The following DQX1 variants were observed in gnomAD, a reference collection of about 807,000 sequenced individuals.
DQX1 encodes ATP-dependent RNA helicase homolog DQX1.
A neutral mutation model predicts 81.3 loss-of-function variants in DQX1; 66 were observed. That is an observed-to-expected ratio of 0.81 (90% confidence interval 0.67 to 1.00). The LOEUF (loss-of-function observed/expected upper bound fraction) is 1.00, where lower values mean the gene tolerates loss of function less well. DQX1 is among the 50% of genes least tolerant of loss of function. The probability of loss-of-function intolerance (pLI) is 0.00; values close to 1 mark genes in which losing one functional copy is unlikely to be tolerated. For synonymous variants in DQX1, 290 were observed against 350.0 expected (o/e 0.83, Z 1.91); for missense variants, 798 against 867.9 (o/e 0.92, Z 1.01).
At chr2:74,524,924 G>T in intron 3 of DQX1, 85 bp downstream of exon 3, 1 of 1,449,580 alleles carries the variant, frequency 6.9e-7, no homozygotes, top group Non-Finnish European at 9.4e-7. Context: ...GGCTAAGGGA[G>T]GGTATGGTGA....
At chr2:74,524,351 A>G in intron 3 of DQX1, 44 bp from the exon 4 acceptor site, 1 of 1,563,624 alleles carries the variant, frequency 6.4e-7, no homozygotes, top group Non-Finnish European at 8.7e-7. Context: ...GTGGACACTG[A>G]CCAGCCCCAC....
chr2:74,518,663 T>A, intron 11 of DQX1, 61 bp from the exon 12 acceptor site: 3 of 1,532,576 alleles, frequency 2.0e-6, no homozygotes, highest in Non-Finnish European at 2.7e-6. Context: ...TCTCTCTTTT[T>A]AGAGACAGGG....
rs1209761542 is a variant in DQX1, at chr2:74,518,486, G to T, written c.2114C>A (p.Ser705Tyr). The change falls in exon 12 of 12, where the codon TCC becomes TAC. Residue 705 changes from serine to tyrosine, a missense_variant. By Grantham distance (144) the Ser-to-Tyr change is moderately radical (BLOSUM62 -2). Coordinates refer to ENST00000404568, the MANE Select transcript of DQX1 (RefSeq NM_133637.3). ...GGGATCTCTGAACTCCTGGGCTGAG[G>T]ATGATTTGCTCCCTGCTGTAGAATC... The part of the protein sequence containing the change: ...MADSTAGSKS[S>Y]SAQEFRDPCV... The T allele has an allele frequency of 1.2e-6, 2 of 1,614,120 alleles. No individual in the cohort carries two copies. The highest frequency in any genetic ancestry group is 1.7e-6 in the Non-Finnish European group (2 of 1,180,050).
chr2:74,519,014 T>C, intron 11 of DQX1, 26 bp downstream of exon 11: 1 of 1,549,378 alleles, frequency 6.5e-7, no homozygotes, highest in Non-Finnish European at 8.7e-7. Context: ...GAATAGGCAG[T>C]ATAGGAGGGA....
Position 74,519,064 on chromosome 2 carries a change from A to G in DQX1, c.1973T>C (p.Ile658Thr), listed in dbSNP as rs749718932. 3.8e-6 allele frequency: 6 copies of G among 1,593,698 alleles called. No homozygotes were observed. In the East Asian group the frequency reaches 1.3e-4, roughly 36 times the overall value. Residue 658 changes from isoleucine to threonine, a missense_variant, in exon 11 of 12, where the codon ATT (isoleucine) becomes ACT (threonine). By Grantham distance (89) the Ile-to-Thr change is moderately conservative. Transcript: ENST00000404568. ...CATCTGTGGTTGAATCTCAGAAACA[A>G]TGGAAAGGCAGTTGTCTTTGGATAT... Reference protein sequence around the residue: ...FTISKDNCLSIVSEIQPQMLV... With the variant: ...FTISKDNCLSTVSEIQPQMLV...
Position 74,525,942 on chromosome 2 carries a change from C to T in DQX1, c.-20+194G>A. On this transcript the variant is annotated intron_variant, in intron 1 of 11. Transcript: ENST00000404568. The surrounding 1 kb of genome is among the most constrained non-coding windows in gnomAD (Gnocchi z 4.1). Reference sequence around the variant, plus strand: ...AGAGTTAGTCGACAGTCCCTATAGTCAGGTAGTAGAAATCTACCTGAGACT... The same window carrying T: ...AGAGTTAGTCGACAGTCCCTATAGTTAGGTAGTAGAAATCTACCTGAGACT... Among the ~76,000 whole-genome samples the T allele has an allele frequency of 6.6e-6, 1 of 152,202 alleles. No individual in the cohort carries two copies.
chr2:74,523,951 TCTC>T lies in DQX1; in HGVS notation c.785_787del (p.Gly262del). On this transcript the variant is annotated inframe_deletion, in exon 4 of 12. Coordinates refer to ENST00000404568, the MANE Select transcript of DQX1 (RefSeq NM_133637.3). ...CTCACTGGGCAGGAACACTAGCACA[TCTC>T]CTGGAAGCTCCTTCCGACACAATTC... 6.2e-7 allele frequency: 1 copy of T among 1,602,858 alleles called. No individual in the cohort carries two copies. The highest frequency in any genetic ancestry group is 8.5e-7 in the Non-Finnish European group (1 of 1,171,084).
At position 74,523,598 on chromosome 2, in the gene DQX1, C is replaced by T. The variant is rs955075894; in HGVS notation, c.817-61G>A. On this transcript the variant is annotated intron_variant, in intron 4 of 11. Coordinates refer to ENST00000404568, the MANE Select transcript of DQX1 (RefSeq NM_133637.3). The stretch of plus-strand genomic sequence containing the variant: ...CTCACGTTTTTTGGGGTCACAGATC[C>T]CTTTGAAAGACTGTTGAAAGTTATG... The T allele has an allele frequency of 8.8e-6, 13 of 1,484,320 alleles. No homozygotes were observed. In the East Asian group the frequency reaches 2.5e-4, roughly 29 times the overall value. The allele number at this position is 1,484,320 out of a possible 1,614,324, so 91.9% of individuals were successfully genotyped here. A position where few individuals can be genotyped will look rare whatever the true frequency, so the allele number is the denominator to read the frequency against.
Position 74,524,225 on chromosome 2 carries a change from C to T in DQX1, c.514G>A (p.Ala172Thr). 1 of 1,614,080 alleles carries T rather than the reference C, an allele frequency of 6.2e-7. No homozygotes were observed. Among genetic ancestry groups the T allele is most frequent in the Middle Eastern group, 1.6e-4 (1 of 6,062 alleles). Residue 172 changes from alanine to threonine, a missense_variant, in exon 4 of 12, where the codon GCT becomes ACT. Ala to Thr is a moderately conservative substitution (Grantham distance 58, BLOSUM62 0). Coordinates refer to ENST00000404568, the MANE Select transcript of DQX1 (RefSeq NM_133637.3). Reference protein sequence around the residue: ...GAWGVLVLDEAQERSVASDSL... With the variant: ...GAWGVLVLDETQERSVASDSL... ...TCTGATGCCACCGACCGCTCCTGAGCCTCATCTAGTACCAGCACGCCCCAG... is the reference window on the plus strand; with the variant it reads ...TCTGATGCCACCGACCGCTCCTGAGTCTCATCTAGTACCAGCACGCCCCAG...
At chr2:74,518,974 C>A in intron 11 of DQX1, 66 bp downstream of exon 11, 2 of 1,428,450 alleles carry the variant, frequency 1.4e-6, no homozygotes, top group Non-Finnish European at 1.9e-6. Flanking sequence ...CTCTCTAACT[C>A]CCCAGCCATA....
Position 74,518,551 on chromosome 2 carries a change from C to G in DQX1, c.2049G>C (p.Glu683Asp), listed in dbSNP as rs141900053. The G allele has an allele frequency of 1.3e-4, 211 of 1,614,054 alleles. No individual in the cohort carries two copies. The highest frequency in any genetic ancestry group is 1.8e-4 in the Admixed American group (11 of 59,998). The part of the protein sequence containing the change: ...PYFLSNLPPS[E>D]SRDLLNQLRE... ...TTAGCTGGTTCAGAAGGTCTCTGCT[C>G]TCACTGGGAGGCAAGTTACTCAGGA... Residue 683 changes from glutamate (E) to aspartate (D), a missense_variant, in exon 12 of 12, where the codon GAG (glutamate) becomes GAC (aspartate). Transcript: ENST00000404568.
In DQX1 at chr2:74,525,398, C is replaced by G. The variant is rs1675147643; in HGVS notation, c.237+95G>C. ...CATGACCCCACGCAGCCCAGTCCCCCCTTGCCCAGGGAAAGGCCACTTTCC... is the reference window on the plus strand; with the variant it reads ...CATGACCCCACGCAGCCCAGTCCCCGCTTGCCCAGGGAAAGGCCACTTTCC... On this transcript the variant is annotated intron_variant, in intron 2 of 11. Coordinates refer to ENST00000404568, the MANE Select transcript of DQX1 (RefSeq NM_133637.3). This position sits in a 1 kb window ranked among gnomAD's most constrained non-coding sequence, Gnocchi z 4.1. 4.3e-6 allele frequency: 6 copies of G among 1,380,908 alleles called. No homozygotes were observed. The highest frequency in any genetic ancestry group is 2.1e-5 in the Admixed American group (1 of 47,894). 85.5% of individuals were successfully genotyped at this position (1,380,908 alleles called of 1,614,324 possible).
At chr2:74,526,033 T>G (rs561061946) in intron 1 of DQX1, 103 bp downstream of exon 1, 1 of 356,910 alleles carries the variant, frequency 2.8e-6, no homozygotes, top group Non-Finnish European at 5.2e-6. Flanking sequence ...GTAGAAATTA[T>G]GTGAGACCTA....
In DQX1 at chr2:74,525,384, G is replaced by A. The variant is rs1391622555; in HGVS notation, c.237+109C>T. The stretch of plus-strand genomic sequence containing the variant: ...TCGTTCACCTTCCTCATGACCCCAC[G>A]CAGCCCAGTCCCCCCTTGCCCAGGG... On this transcript the variant is annotated intron_variant, in intron 2 of 11. Coordinates refer to ENST00000404568, the MANE Select transcript of DQX1 (RefSeq NM_133637.3). The surrounding 1 kb of genome is among the most constrained non-coding windows in gnomAD (Gnocchi z 4.1). 11 of 1,305,062 alleles carry A rather than the reference G, an allele frequency of 8.4e-6. No homozygotes were observed. The highest frequency in any genetic ancestry group is 2.9e-5 in the South Asian group (2 of 70,050). 80.8% of individuals were successfully genotyped at this position (1,305,062 alleles called of 1,614,324 possible).
chr2:74,521,801 C>T (rs1472251287), intron 8 of DQX1, among the ~76,000 whole-genome samples: 4 of 150,768 alleles, frequency 2.7e-5, no homozygotes, highest in Admixed American at 6.6e-5. Context: ...CTCTCTCCCC[C>T]TCTCCCCATG....
intron 4 of DQX1, 146 bp from the exon 5 acceptor site, chr2:74,523,683 G>T (rs1675099174): frequency 7.2e-6 from 7 of 973,868 alleles, no homozygotes; most frequent in African/African-American, 3.3e-5. Flanking sequence ...TAATTTCAGG[G>T]GTTCACTGAA....
intron 3 of DQX1, 29 bp downstream of exon 3, chr2:74,524,980 A>T: frequency 6.3e-7 from 1 of 1,591,096 alleles, no homozygotes; most frequent in Non-Finnish European, 8.6e-7. Context: ...GGGGAATTAT[A>T]TTCGGGTAAG....
In DQX1 at chr2:74,520,019, G is replaced by A. The variant is rs1674986315; in HGVS notation, c.1511C>T (p.Thr504Ile). 6.2e-7 allele frequency: 1 copy of A among 1,613,182 alleles called. No individual in the cohort carries two copies. Among genetic ancestry groups the A allele is most frequent in the African/African-American group, 1.3e-5 (1 of 74,916 alleles). Residue 504 changes from threonine (T) to isoleucine (I), a missense_variant, in exon 9 of 12, where the codon ACC becomes ATC. By Grantham distance (89) the Thr-to-Ile change is moderately conservative. Transcript: ENST00000404568. ...AAMLTAAPGF[T>I]RPPLSAEEAA... ...TTCTTCTGCACTGAGTGGAGGACGG[G>A]TAAACCCAGGGGCAGCTGGAGGCAG...
chr2:74,525,011 G>A lies in DQX1; in HGVS notation c.429C>T (p.Leu143=), dbSNP rs1304195646. Residue 143 remains leucine, a splice_region_variant and synonymous_variant, in exon 3 of 12, where the codon CTC becomes CTT. Coordinates refer to ENST00000404568, the MANE Select transcript of DQX1 (RefSeq NM_133637.3). This position sits in a 1 kb window ranked among gnomAD's most constrained non-coding sequence, Gnocchi z 4.1. Reference sequence around the variant, plus strand: ...GTAAGGCCTGCAGAGGCCCCCACCTGAGCAGGGTGTTGGGCCCCGTGCAGT... The same window carrying A: ...GTAAGGCCTGCAGAGGCCCCCACCTAAGCAGGGTGTTGGGCCCCGTGCAGT... ...QEDCTGPNTL[L]RFCWDRLLLQ... is the part of the protein sequence containing the mutation. 6.2e-7 allele frequency: 1 copy of A among 1,613,160 alleles called. No individual in the cohort carries two copies. Among genetic ancestry groups the A allele is most frequent in the Non-Finnish European group, 8.5e-7 (1 of 1,179,382 alleles).
Sources: gnomAD v4.1 joint callset for allele counts (sites outside exome capture counted in the v4.1 genomes callset) on GRCh38, gnomAD v4.1.1 for gene constraint, Gnocchi (gnomAD v3.1) non-coding constraint, MANE v1.5 for transcripts, NCBI Gene and HGNC (gene_info 2026-07-23, HGNC 2026-07-21) for gene names.